The following PPP1R42 variants were observed in gnomAD, a reference collection of about 807,000 sequenced individuals.
PPP1R42 encodes leucine rich repeat containing 67.
A neutral mutation model predicts 31.0 loss-of-function variants in PPP1R42; 34 were observed. The ratio of observed to expected loss-of-function variants is 1.10; its 90% CI spans 0.83 to 1.46. The LOEUF is 1.46. PPP1R42 is among the 40% of genes most tolerant of loss of function. PPP1R42 has a pLI of 0.00. For missense variants in PPP1R42, 268 were observed against 303.0 expected (o/e 0.88, Z 0.86); for synonymous variants, 103 against 109.8 (o/e 0.94, Z 0.39).
intron 5 of PPP1R42, among the ~76,000 whole-genome samples, chr8:66,995,762 T>C (rs1027489191): frequency 6.6e-6 from 1 of 152,216 alleles, no homozygotes; most frequent in Non-Finnish European, 1.5e-5. Flanking sequence ...AGTTAAAATA[T>C]CAAATAAGAT....
chr8:66,971,151 C>T (rs542111479), intron 7 of PPP1R42: 2 of 1,470,574 alleles, frequency 1.4e-6, no homozygotes, highest in South Asian at 1.4e-5. Context: ...CTGTAGCACA[C>T]AAAGAAATAA....
At chr8:67,005,103 C>A (rs961955728) in intron 5 of PPP1R42, among the ~76,000 whole-genome samples, 1 of 120,826 alleles carries the variant, frequency 8.3e-6, no homozygotes, top group Non-Finnish European at 1.7e-5. Context: ...AATCCACCCA[C>A]TTTTTTTTTT....
intron 1 of PPP1R42, among the ~76,000 whole-genome samples, chr8:67,027,708 A>T (rs149684588): frequency 6.6e-6 from 1 of 152,228 alleles, no homozygotes; most frequent in Non-Finnish European, 1.5e-5. Flanking sequence ...ATTTTAGAAC[A>T]TTATAATAAA....
At chr8:66,982,747 C>T (rs972705082) in intron 6 of PPP1R42, among the ~76,000 whole-genome samples, 24 of 151,982 alleles carry the variant, frequency 1.6e-4, no homozygotes, top group African/African-American at 5.6e-4. Context: ...CATGAGCCAC[C>T]GTTCCTGACC....
At chr8:66,980,520 TG>T (rs1814795573) in intron 7 of PPP1R42, among the ~76,000 whole-genome samples, 1 of 152,152 alleles carries the variant, frequency 6.6e-6, no homozygotes, top group African/African-American at 2.4e-5. Flanking sequence ...TGAACCACCA[TG>T]CTTGGCCCGT....
At chr8:66,969,854 G>A (rs1814493597) in intron 7 of PPP1R42, among the ~76,000 whole-genome samples, 1 of 152,004 alleles carries the variant, frequency 6.6e-6, no homozygotes, top group Admixed American at 6.6e-5. Context: ...AATCTTATTT[G>A]GTTGGAAGGA....
intron 7 of PPP1R42, among the ~76,000 whole-genome samples, chr8:66,965,036 A>C (rs1814341691): frequency 6.6e-6 from 1 of 152,178 alleles, no homozygotes; most frequent in African/African-American, 2.4e-5. Flanking sequence ...CATATTATAT[A>C]GTATGTAGCC....
intron 6 of PPP1R42, chr8:66,988,035 A>G (rs1364021737): frequency 1.0e-5 from 6 of 597,522 alleles, no homozygotes; most frequent in Non-Finnish European, 1.3e-5. Context: ...ACTTTGATCA[A>G]TTTTATCTAC....
chr8:67,003,796 GATA>G (rs1815583934), intron 5 of PPP1R42, among the ~76,000 whole-genome samples: 1 of 152,108 alleles, frequency 6.6e-6, no homozygotes, highest in Non-Finnish European at 1.5e-5. Context: ...AGTATTAAGA[GATA>G]GGCCTTTGGG....
intron 5 of PPP1R42, among the ~76,000 whole-genome samples, chr8:66,998,782 G>A (rs1226918945): frequency 6.6e-6 from 1 of 152,104 alleles, no homozygotes; most frequent in Non-Finnish European, 1.5e-5. Context: ...TGCATTTTGT[G>A]CATCTATTGA....
In PPP1R42 at chr8:66,984,539, A is replaced by G. The variant is rs1814943713; in HGVS notation, c.671-2359T>C. 4.0e-6 allele frequency: 5 copies of G among 1,245,566 alleles called. No individual in the cohort carries two copies. In the South Asian group the frequency reaches 6.0e-5, roughly 15 times the overall value. 77.2% of individuals were successfully genotyped at this position (1,245,566 alleles called of 1,614,324 possible). ...TTCTTGGCTGGGGTGCTAAATTTCT[A>G]ACTCCATCTCAATCTTGAACTTCTT... is the stretch of plus-strand genomic sequence containing the variant. On this transcript the variant is annotated intron_variant, in intron 6 of 7. Coordinates refer to ENST00000685739, the MANE Select transcript of PPP1R42 (RefSeq NM_001364910.1).
intron 5 of PPP1R42, among the ~76,000 whole-genome samples, chr8:67,007,563 T>A (rs908342143): frequency 2.6e-5 from 4 of 152,122 alleles, no homozygotes; most frequent in Non-Finnish European, 4.4e-5. Context: ...GCCAGGGTGA[T>A]CTTGAACTCC....
At chr8:66,966,889 T>A (rs1318475942) in intron 7 of PPP1R42, among the ~76,000 whole-genome samples, 2 of 152,236 alleles carry the variant, frequency 1.3e-5, no homozygotes, top group African/African-American at 4.8e-5. Flanking sequence ...TATATAACTC[T>A]TGTTCACAGA....
At chr8:66,992,433 C>T (rs561095239) in intron 5 of PPP1R42, among the ~76,000 whole-genome samples, 31 of 152,106 alleles carry the variant, frequency 2.0e-4, no homozygotes, top group African/African-American at 6.7e-4. Context: ...ACTAATAAAA[C>T]ATCTAACTAA....
In PPP1R42 at chr8:66,988,538, G is replaced by A; in HGVS notation, c.553-21C>T. 3 of 1,586,598 alleles carry A rather than the reference G, an allele frequency of 1.9e-6. No individual in the cohort carries two copies. The African/African-American group carries it at 4.1e-5, about 22-fold the overall frequency. On this transcript the variant is annotated intron_variant, in intron 5 of 7. Coordinates refer to ENST00000685739, the MANE Select transcript of PPP1R42 (RefSeq NM_001364910.1). ...AAATCCTATAATTAGAGAAGAAAAA[G>A]CAAAGCACAAGCATTTCATATTTAC...
At chr8:66,973,718 T>C (rs1264137626) in intron 7 of PPP1R42, among the ~76,000 whole-genome samples, 2 of 152,208 alleles carry the variant, frequency 1.3e-5, no homozygotes, top group Non-Finnish European at 2.9e-5. Context: ...TGGCCGAAAC[T>C]TTATGCCCAT....
chr8:67,025,075 CT>C (rs1816353766), intron 1 of PPP1R42, among the ~76,000 whole-genome samples: 1 of 150,082 alleles, frequency 6.7e-6, no homozygotes, highest in South Asian at 2.1e-4. Flanking sequence ...GCAGCTGGGA[CT>C]ACAGGTGTAC....
intron 3 of PPP1R42, 151 bp downstream of exon 3, chr8:67,014,274 GT>G (rs1423472004): frequency 2.3e-5 from 10 of 433,488 alleles, no homozygotes; most frequent in South Asian, 1.4e-4. Context: ...GAATCATATG[GT>G]TTTTTTTCAT....
Position 67,012,998 on chromosome 8 carries a change from T to TC in PPP1R42, c.394dup (p.Glu132GlyfsTer6). ...AGTTCTTGGATCAAACAGAAGCTTT[T>TC]CCCCAAGGGGAAGCCTCTGATTCTC... On this transcript the variant is annotated frameshift_variant, in exon 4 of 8. Coordinates refer to ENST00000685739, the MANE Select transcript of PPP1R42 (RefSeq NM_001364910.1). LOFTEE classifies it high-confidence loss of function. 5 of 1,611,850 alleles carry TC rather than the reference T, an allele frequency of 3.1e-6. No individual in the cohort carries two copies. Among genetic ancestry groups the TC allele is most frequent in the Non-Finnish European group, 4.2e-6 (5 of 1,179,234 alleles).
Sources: gnomAD v4.1 joint callset for allele counts (sites outside exome capture counted in the v4.1 genomes callset) on GRCh38, gnomAD v4.1.1 for gene constraint, MANE v1.5 for transcripts, NCBI Gene and HGNC (gene_info 2026-07-23, HGNC 2026-07-21) for gene names.